Variants in BCOR observed in about 807,000 individuals in gnomAD.
BCOR encodes the protein BCL6 corepressor, also known as BCL-6 corepressor.
BCOR carries 10 observed loss-of-function variants against 86.7 expected under a neutral mutation model. The observed-to-expected ratio is 0.12, with a 90% CI of 0.07 to 0.20. The LOEUF is 0.20. BCOR is among the 10% of genes least tolerant of loss of function. The probability of loss-of-function intolerance (pLI) is 1.00; values close to 1 mark genes in which losing one functional copy is unlikely to be tolerated. For missense variants in BCOR, 1,259 were observed against 1,452.1 expected, an observed-to-expected ratio of 0.87 and a Z score of 2.16; for synonymous variants, 611 against 609.0, an observed-to-expected ratio of 1.00 and a Z score of -0.05.
At chrX:40,095,469 G>A (rs1936813975) in intron 1 of BCOR, among the ~76,000 whole-genome samples, 1 of 110,484 alleles carries the variant, frequency 9.1e-6, no homozygotes, top group African/African-American at 3.3e-5. Flanking sequence ...CCACCTTCTG[G>A]GGTGGGCCAT....
At chrX:40,063,995 G>T (rs373378221) in intron 7 of BCOR, 43 bp from the exon 8 acceptor site, 16 of 1,005,257 alleles carry the variant, frequency 1.6e-5, no homozygotes, top group African/African-American at 3.9e-5. Context: ...AGCCCCCCGG[G>T]GGGGAACAAA....
Position 40,126,500 on chromosome X carries a change from G to A in BCOR, c.-40-48531C>T, listed in dbSNP as rs564651342. 2.4e-4 allele frequency among the ~76,000 whole-genome samples: 25 copies of A among 104,995 alleles called. No individual in the cohort carries two copies. The South Asian group carries it at 9.3e-3, about 39-fold the overall frequency. 91.2% of individuals were successfully genotyped at this position (104,995 alleles called of 115,157 possible). On this transcript the variant is annotated intron_variant, in intron 1 of 14. Coordinates refer to the BCOR transcript ENST00000342274. ...AGATCGTGCCATTGCACTCCAGCTCGGGCAACAAGGCAAAATTCCGTCAAA... is the reference window on the plus strand; with the variant it reads ...AGATCGTGCCATTGCACTCCAGCTCAGGCAACAAGGCAAAATTCCGTCAAA...
intron 1 of BCOR, chrX:40,176,903 C>G (rs746717223): frequency 2.7e-5 from 3 of 111,434 alleles, no homozygotes; most frequent in African/African-American, 9.8e-5. Context: ...AATTTTTGCT[C>G]TGACGCGGGG....
chrX:40,064,347 C>T lies in BCOR; in HGVS notation c.3491G>A (p.Arg1164Gln), dbSNP rs769057299. 6.0e-5 allele frequency: 73 copies of T among 1,211,134 alleles called. No homozygotes were observed. The Admixed American group carries it at 1.4e-3, about 24-fold the overall frequency. Residue 1164 changes from arginine (R) to glutamine (Q), a missense_variant, in exon 7 of 15, where the codon CGA becomes CAA. Physicochemically the swap from Arg to Gln is conservative, Grantham distance 43 (BLOSUM62 1). Coordinates refer to ENST00000378444, the MANE Select transcript of BCOR (RefSeq NM_001123385.2). ...CAGACAGGGCTCACCTTTAGAGACT[C>T]GTCGGCGTTTGGCTTTCAGCAGAGG... ...EDPLLKAKRRRVSKDDWPERE... is the reference protein window; with the variant it reads ...EDPLLKAKRRQVSKDDWPERE...
At chrX:40,124,664 G>A (rs772181874) in intron 1 of BCOR, among the ~76,000 whole-genome samples, 3 of 108,849 alleles carry the variant, frequency 2.8e-5, no homozygotes, top group East Asian at 2.9e-4. Flanking sequence ...ATTCAGTGGC[G>A]AGATCATGGC....
At chrX:40,121,601 A>G (rs1399068296) in intron 1 of BCOR, among the ~76,000 whole-genome samples, 1 of 113,264 alleles carries the variant, frequency 8.8e-6, no homozygotes, top group Non-Finnish European at 1.9e-5. Context: ...TGGACCATAA[A>G]CAGAGCAAAT....
chrX:40,170,103 C>G (rs1485611856), intron 1 of BCOR, among the ~76,000 whole-genome samples: 1 of 111,847 alleles, frequency 8.9e-6, no homozygotes, highest in East Asian at 2.8e-4. Context: ...TCCAGGCCTT[C>G]AAGACGCAGT....
intron 6 of BCOR, among the ~76,000 whole-genome samples, chrX:40,070,433 C>T (rs944887429): frequency 8.9e-5 from 10 of 111,754 alleles, no homozygotes; most frequent in South Asian, 3.8e-4. Context: ...CTTCACATCA[C>T]TTGCCCTCCA....
chrX:40,063,285 C>T (rs961491868), intron 8 of BCOR, among the ~76,000 whole-genome samples: 3 of 112,601 alleles, frequency 2.7e-5, no homozygotes, highest in South Asian at 3.7e-4. Context: ...ACCCACAAAA[C>T]GCCAAGTGGC....
chrX:40,076,876 C>T, intron 2 of BCOR: 1 of 331,036 alleles, frequency 3.0e-6, no homozygotes, highest in Non-Finnish European at 5.8e-6. Flanking sequence ...GCTGTCCCAG[C>T]CAACCCTTAT....
At chrX:40,086,960 G>T (rs1250267843) in intron 1 of BCOR, among the ~76,000 whole-genome samples, 1 of 113,599 alleles carries the variant, frequency 8.8e-6, no homozygotes, top group Non-Finnish European at 1.9e-5. Context: ...GTTTGTTAAA[G>T]CAAAAGAGCA....
intron 1 of BCOR, among the ~76,000 whole-genome samples, chrX:40,137,802 G>A (rs1168576383): frequency 9.0e-6 from 1 of 111,335 alleles, no homozygotes; most frequent in African/African-American, 3.3e-5. Context: ...TCAGGCTTTT[G>A]TGAGCCTAGG....
chrX:40,077,766 G>T, intron 2 of BCOR, 78 bp downstream of exon 2: 2 of 965,530 alleles, frequency 2.1e-6, no homozygotes, highest in South Asian at 2.0e-5. Flanking sequence ...TTGGGCCCAC[G>T]GTGGCTGTGA....
At chrX:40,172,893 C>T (rs1938659945) in intron 1 of BCOR, among the ~76,000 whole-genome samples, 1 of 112,797 alleles carries the variant, frequency 8.9e-6, no homozygotes, top group Non-Finnish European at 1.9e-5. Flanking sequence ...TCGGCTGTCC[C>T]CAGTCCCCAG....
At chrX:40,094,912 T>C (rs1447150284) in intron 1 of BCOR, among the ~76,000 whole-genome samples, 5 of 112,785 alleles carry the variant, frequency 4.4e-5, no homozygotes, top group Non-Finnish European at 9.4e-5. Flanking sequence ...GTGCAGCCCA[T>C]TGATCCGGAG....
At chrX:40,159,981 T>C (rs1395661339) in intron 1 of BCOR, among the ~76,000 whole-genome samples, 1 of 112,875 alleles carries the variant, frequency 8.9e-6, no homozygotes, top group Non-Finnish European at 1.9e-5. Context: ...ATATATGTGG[T>C]TACAAAGTAA....
intron 3 of BCOR, among the ~76,000 whole-genome samples, chrX:40,076,142 C>G (rs896824878): frequency 8.9e-6 from 1 of 112,287 alleles, no homozygotes; most frequent in African/African-American, 3.2e-5. Flanking sequence ...AAGGTAAACC[C>G]TAAGGGGCTA....
At chrX:40,164,973 C>T (rs1018288388) in intron 1 of BCOR, among the ~76,000 whole-genome samples, 1 of 111,812 alleles carries the variant, frequency 8.9e-6, no homozygotes, top group Non-Finnish European at 1.9e-5. Context: ...CCCTGATGCC[C>T]AGGCGGCCCA....
intron 1 of BCOR, among the ~76,000 whole-genome samples, chrX:40,143,757 C>A (rs937878483): frequency 3.6e-5 from 4 of 112,609 alleles, no homozygotes; most frequent in Non-Finnish European, 7.5e-5. Flanking sequence ...GAGTTTGAGA[C>A]CAGCCTGGCC....
Sources: gnomAD v4.1 joint callset for allele counts (sites outside exome capture counted in the v4.1 genomes callset) on GRCh38, gnomAD v4.1.1 for gene constraint, MANE v1.5 for transcripts, NCBI Gene and HGNC (gene_info 2026-07-23, HGNC 2026-07-21) for gene names.